Variants in GRID2 observed in about 807,000 individuals in gnomAD.
GRID2 encodes glutamate receptor ionotropic, delta-2.
GRID2 carries 33 observed loss-of-function variants against 114.8 expected under a neutral mutation model. The ratio of observed to expected loss-of-function variants is 0.29; its 90% CI spans 0.22 to 0.38. The LOEUF (loss-of-function observed/expected upper bound fraction) is 0.38, where lower values mean the gene tolerates loss of function less well. GRID2 is among the 10% of genes least tolerant of loss of function. The probability of loss-of-function intolerance (pLI) is 1.00; values close to 1 mark genes in which losing one functional copy is unlikely to be tolerated. For missense variants in GRID2, 1,184 were observed against 1,257.7 expected (o/e 0.94, Z 0.89); for synonymous variants, 505 against 449.9 (o/e 1.12, Z -1.55).
intron 7 of GRID2, among the ~76,000 whole-genome samples, chr4:93,231,006 A>G (rs920878739): frequency 6.6e-6 from 1 of 152,122 alleles, no homozygotes; most frequent in African/African-American, 2.4e-5. Context: ...ATATAAATAT[A>G]ATCAATAAAT....
chr4:92,813,916 ATCT>A (rs1740764552), intron 2 of GRID2, among the ~76,000 whole-genome samples: 1 of 152,128 alleles, frequency 6.6e-6, no homozygotes, highest in Non-Finnish European at 1.5e-5. Context: ...AGCCTAATTA[ATCT>A]TCTACATTTA....
intron 11 of GRID2, among the ~76,000 whole-genome samples, chr4:93,473,033 T>A (rs929840539): frequency 7.9e-5 from 12 of 152,218 alleles, no homozygotes; most frequent in African/African-American, 2.9e-4. Context: ...AGTAGTTTCA[T>A]ACTGCATGTA....
chr4:93,724,085 T>C (rs1454341313), intron 14 of GRID2, among the ~76,000 whole-genome samples: 1 of 152,198 alleles, frequency 6.6e-6, no homozygotes, highest in Non-Finnish European at 1.5e-5. Context: ...GATGAAGACA[T>C]TAAACATATT....
intron 1 of GRID2, among the ~76,000 whole-genome samples, chr4:93,787,465 G>A (rs1734614461): frequency 6.6e-6 from 1 of 152,104 alleles, no homozygotes; most frequent in South Asian, 2.1e-4. Context: ...AAAGAATTAT[G>A]AGATCAAAAT....
intron 2 of GRID2, among the ~76,000 whole-genome samples, chr4:92,815,520 G>A (rs1364473255): frequency 6.6e-6 from 1 of 151,998 alleles, no homozygotes; most frequent in Admixed American, 6.6e-5. Context: ...AATAAAGGTA[G>A]GTATAGGAAA....
At chr4:93,794,198 T>C (rs922079899) in intron 1 of GRID2, among the ~76,000 whole-genome samples, 6 of 152,166 alleles carry the variant, frequency 3.9e-5, no homozygotes, top group Non-Finnish European at 8.8e-5. Flanking sequence ...ATAGGTTCCT[T>C]TTAGATGGCA....
chr4:92,602,504 C>G (rs1485453407), intron 2 of GRID2, among the ~76,000 whole-genome samples: 1 of 152,138 alleles, frequency 6.6e-6, no homozygotes, highest in South Asian at 2.1e-4. Flanking sequence ...AATCCAACAT[C>G]CCTTCATGTT....
At chr4:93,159,693 A>AT (rs34480915) in intron 4 of GRID2, among the ~76,000 whole-genome samples, 49,022 of 130,930 alleles carry the variant, frequency 0.37, 8,682 homozygotes, top group Admixed American at 0.5. Context: ...TTCCATCTGC[A>AT]TTTTTTTTTT....
intron 13 of GRID2, among the ~76,000 whole-genome samples, chr4:93,539,109 A>G (rs1732399692): frequency 6.6e-6 from 1 of 151,904 alleles, no homozygotes; most frequent in African/African-American, 2.4e-5. Context: ...CTATAGAAAC[A>G]TATCTAGATT....
chr4:93,249,932 TG>T (rs766891467), intron 8 of GRID2, among the ~76,000 whole-genome samples: 1 of 152,162 alleles, frequency 6.6e-6, no homozygotes, highest in Non-Finnish European at 1.5e-5. Flanking sequence ...TGGAAGACAA[TG>T]TGGTGATTCC....
rs550299746 is a variant in GRID2 at position 92,892,624 on chromosome 4, C to T, written c.245-192371C>T. Among the ~76,000 whole-genome samples the T allele has an allele frequency of 1.2e-3, 190 of 152,266 alleles. 2 individuals are homozygous for T. Among genetic ancestry groups the T allele is most frequent in the African/African-American group, 4.2e-3 (175 of 41,554 alleles). On this transcript the variant is annotated intron_variant, in intron 2 of 15. Transcript: ENST00000282020. ...ATTAGGCCACAAATATTAGCCATCA[C>T]ATTGTTAATGCACTCAAACTGCCAG...
intron 1 of GRID2, among the ~76,000 whole-genome samples, chr4:92,437,421 A>G (rs1224151443): frequency 6.6e-6 from 1 of 152,164 alleles, no homozygotes; most frequent in Non-Finnish European, 1.5e-5. Context: ...CTGGGATTAC[A>G]GGCATGCCTC....
At chr4:93,565,662 C>T (rs1012692166) in intron 13 of GRID2, among the ~76,000 whole-genome samples, 1 of 152,178 alleles carries the variant, frequency 6.6e-6, no homozygotes, top group Non-Finnish European at 1.5e-5. Flanking sequence ...GTATGGTTCA[C>T]ATGCAGAAAA....
chr4:92,672,008 C>T (rs1040813776), intron 2 of GRID2, among the ~76,000 whole-genome samples: 3 of 152,068 alleles, frequency 2.0e-5, no homozygotes, highest in Non-Finnish European at 4.4e-5. Context: ...TAAAAAATAG[C>T]TTAACCAACA....
chr4:93,215,350 T>C (rs995757114), intron 5 of GRID2, among the ~76,000 whole-genome samples: 3 of 152,062 alleles, frequency 2.0e-5, no homozygotes, highest in African/African-American at 7.2e-5. Context: ...TTGGAAGACA[T>C]TGAATAGCAA....
intron 8 of GRID2, among the ~76,000 whole-genome samples, chr4:93,246,829 T>C (rs909411907): frequency 6.6e-6 from 1 of 152,198 alleles, no homozygotes; most frequent in Non-Finnish European, 1.5e-5. Flanking sequence ...CTCAAAATCA[T>C]TGATCCCAGC....
chr4:92,923,204 G>T (rs959053779), intron 2 of GRID2, among the ~76,000 whole-genome samples: 4 of 152,074 alleles, frequency 2.6e-5, no homozygotes, highest in Admixed American at 6.6e-5. Context: ...GTTTTGAAAG[G>T]ATAACTGTCA....
intron 2 of GRID2, among the ~76,000 whole-genome samples, chr4:92,706,058 A>C (rs1401221058): frequency 6.6e-6 from 1 of 152,210 alleles, no homozygotes; most frequent in East Asian, 1.9e-4. Flanking sequence ...GTAAAGGCGC[A>C]GTTTTAAAAA....
chr4:92,649,469 C>T (rs192340587), intron 2 of GRID2, among the ~76,000 whole-genome samples: 13 of 151,470 alleles, frequency 8.6e-5, no homozygotes, highest in Middle Eastern at 3.4e-3. Flanking sequence ...TGCCCACCCA[C>T]ATTGGTGAGG....
Sources: allele counts gnomAD v4.1 joint callset (sites outside exome capture counted in the v4.1 genomes callset), GRCh38; gene constraint gnomAD v4.1.1; transcripts MANE v1.5; gene names NCBI Gene and HGNC (gene_info 2026-07-23, HGNC 2026-07-21).